Variants in GALNS observed in about 807,000 individuals in gnomAD.
GALNS encodes N-acetylgalactosamine-6-sulfatase.
Under a neutral mutation model 65.9 loss-of-function variants are expected in GALNS, and 65 were observed. That is an observed-to-expected ratio of 0.99 (90% CI 0.81 to 1.21). The LOEUF (loss-of-function observed/expected upper bound fraction) is 1.21, where lower values mean the gene tolerates loss of function less well. Among genes scored for constraint, GALNS ranks in the 50% most tolerant of loss-of-function variants. The probability of loss-of-function intolerance (pLI) is 0.00; values close to 1 mark genes in which losing one functional copy is unlikely to be tolerated. For missense variants in GALNS, 776 were observed against 700.7 expected, an observed-to-expected ratio of 1.11 and a Z score of -1.21; for synonymous variants, 346 against 288.9, an observed-to-expected ratio of 1.20 and a Z score of -2.00.
chr16:88,850,458 G>C (rs1241366277), intron 1 of GALNS, among the ~76,000 whole-genome samples: 1 of 152,218 alleles, frequency 6.6e-6, no homozygotes, highest in African/African-American at 2.4e-5. Flanking sequence ...ATGCTGTAAA[G>C]GGAGTGGGCT....
Position 88,854,050 on chromosome 16 carries a change from C to T in GALNS, c.120+2708G>A, listed in dbSNP as rs1371410386. On this transcript the variant is annotated intron_variant, in intron 1 of 13. Coordinates refer to ENST00000268695, the MANE Select transcript of GALNS (RefSeq NM_000512.5). ...TGCTTAGACGAAAGGGGGGCCCAGG[C>T]CCCCCACTGCCCAGCCACAGAGGAC... Among the ~76,000 whole-genome samples the T allele has an allele frequency of 2.6e-5, 4 of 152,312 alleles. No homozygotes were observed. In the East Asian group the frequency reaches 7.7e-4, roughly 29 times the overall value.
chr16:88,842,713 G>A lies in GALNS; in HGVS notation c.237C>T (p.Cys79=). ...AGGGCCCCGCTGACTTACATGGCGA[G>A]CACAGAGGGTTGGCAGAATAGAAGT... ...FPNFYSANPL[C]SPSRAALLTG... The change falls in exon 2 of 14, where the codon TGC becomes TGT. Residue 79 remains cysteine (C), a synonymous_variant. Coordinates refer to ENST00000268695, the MANE Select transcript of GALNS (RefSeq NM_000512.5). 6.2e-7 allele frequency: 1 copy of A among 1,612,774 alleles called. No homozygotes were observed. The highest frequency in any genetic ancestry group is 8.5e-7 in the Non-Finnish European group (1 of 1,179,724).
At chr16:88,841,204 C>T in intron 3 of GALNS, 110 bp from the exon 4 acceptor site, 1 of 840,798 alleles carries the variant, frequency 1.2e-6, no homozygotes, top group South Asian at 1.4e-5. Context: ...AGGACACTGG[C>T]CCCTCGGGGT....
At chr16:88,843,662 A>C in intron 1 of GALNS, 1 of 170,196 alleles carries the variant, frequency 5.9e-6, no homozygotes, top group East Asian at 1.6e-4. Context: ...GACAGCAAGG[A>C]CCTTCCTGGA....
intron 13 of GALNS, chr16:88,815,581 G>T: frequency 1.0e-6 from 1 of 985,498 alleles, no homozygotes; most frequent in African/African-American, 1.7e-5. Context: ...GAGCCTTCTT[G>T]GCTGAAATGA....
chr16:88,854,517 C>G (rs978186625), intron 1 of GALNS, among the ~76,000 whole-genome samples: 4 of 152,224 alleles, frequency 2.6e-5, no homozygotes, highest in Non-Finnish European at 5.9e-5. Context: ...GGGCAGTCTC[C>G]CTTCTGGGGT....
intron 8 of GALNS, among the ~76,000 whole-genome samples, chr16:88,833,372 G>C (rs201283528): frequency 2.0e-5 from 3 of 152,038 alleles, no homozygotes; most frequent in Non-Finnish European, 2.9e-5. Context: ...GCCACTTCTA[G>C]GGGACACTCA....
At chr16:88,831,949 G>T in intron 9 of GALNS, 49 bp downstream of exon 9, 1 of 1,527,726 alleles carries the variant, frequency 6.5e-7, no homozygotes, top group Non-Finnish European at 9.0e-7. Context: ...CCCTGGGATG[G>T]CTGCAGGCCT....
At chr16:88,855,942 C>G (rs546725119) in intron 1 of GALNS, 2 of 569,830 alleles carry the variant, frequency 3.5e-6, no homozygotes, top group East Asian at 5.8e-5. Context: ...CACGGCGGGA[C>G]AGGTGTAACC....
At chr16:88,834,764 G>C (rs1345556519) in intron 8 of GALNS, among the ~76,000 whole-genome samples, 1 of 152,178 alleles carries the variant, frequency 6.6e-6, no homozygotes, top group African/African-American at 2.4e-5. Flanking sequence ...CAGGGCTGTG[G>C]TGGGGGCAGG....
chr16:88,842,008 A>G (rs1156780635), intron 2 of GALNS, 37 bp from the exon 3 acceptor site: 2 of 1,584,228 alleles, frequency 1.3e-6, no homozygotes, highest in East Asian at 4.5e-5. Context: ...CTGGATAAGA[A>G]GGGTGTGGCT....
chr16:88,856,679 C>G (rs1967922438), intron 1 of GALNS, 79 bp downstream of exon 1: 6 of 524,424 alleles, frequency 1.1e-5, no homozygotes, highest in African/African-American at 2.1e-5. Context: ...CGCCCTTCCC[C>G]CACCTCGCTC....
chr16:88,838,034 G>C (rs1318332537), intron 4 of GALNS: 2 of 471,544 alleles, frequency 4.2e-6, no homozygotes, highest in East Asian at 3.7e-5. Context: ...ACGGTGAAGG[G>C]TGGTGCATCG....
rs560157536 is a variant in GALNS, at chr16:88,835,966, C to T, written c.634-117G>A. ...GGTTGGTGCGGTCCCCGTCCCCACG[C>T]GTCCCACGGGGCAAGGTTGGTGCGG... On this transcript the variant is annotated intron_variant, in intron 6 of 13. Coordinates refer to ENST00000268695, the MANE Select transcript of GALNS (RefSeq NM_000512.5). The T allele has an allele frequency of 6.5e-5, 98 of 1,497,846 alleles. No individual in the cohort carries two copies. In the African/African-American group the frequency reaches 1.1e-3, roughly 17 times the overall value. The allele number at this position is 1,497,846 out of a possible 1,614,324, so 92.8% of individuals were successfully genotyped here. A position where few individuals can be genotyped will look rare whatever the true frequency, so the allele number is the denominator to read the frequency against.
intron 1 of GALNS, among the ~76,000 whole-genome samples, chr16:88,849,245 G>C (rs1371496510): frequency 6.6e-6 from 1 of 152,182 alleles, no homozygotes; most frequent in African/African-American, 2.4e-5. Context: ...CTCCTGAGTA[G>C]CTGGGACTAC....
rs761068381 is a variant in GALNS, at chr16:88,822,593, G to T, written c.1360C>A (p.Leu454Ile). Residue 454 changes from leucine to isoleucine, a missense_variant, in exon 12 of 14, where the codon CTC becomes ATC. By Grantham distance (5) the Leu-to-Ile change is conservative. Coordinates refer to ENST00000268695, the MANE Select transcript of GALNS (RefSeq NM_000512.5). ...LGRDPGERFP[L>I]SFASAEYQEA... ...GGAGGCCCTGCACCGACTCACCTGA[G>T]GGGGAACCTCTCCCCTGGGTCCCGT... 1 of 1,612,724 alleles carries T rather than the reference G, an allele frequency of 6.2e-7. No individual in the cohort carries two copies. The highest frequency in any genetic ancestry group is 1.1e-5 in the South Asian group (1 of 91,068).
chr16:88,835,799 G>A lies in GALNS; in HGVS notation c.684C>T (p.Leu228=), dbSNP rs1398545595. ...KRQARHHPFF[L]YWAVDATHAP... The stretch of plus-strand genomic sequence containing the variant: ...CGTGCGTGGCGTCGACAGCCCAGTA[G>A]AGGAAAAAGGGGTGGTGCCGTGCCT... The change falls in exon 7 of 14, where the codon CTC becomes CTT. Residue 228 remains leucine (L), a synonymous_variant. Coordinates refer to ENST00000268695, the MANE Select transcript of GALNS (RefSeq NM_000512.5). 5 of 1,614,040 alleles carry A rather than the reference G, an allele frequency of 3.1e-6. No individual in the cohort carries two copies. The Admixed American group carries it at 5.0e-5, about 16-fold the overall frequency.
chr16:88,826,657 A>C (rs765000658), intron 10 of GALNS, 45 bp downstream of exon 10: 9 of 1,599,134 alleles, frequency 5.6e-6, no homozygotes, highest in Non-Finnish European at 6.8e-6. Flanking sequence ...TCTGGGCTTC[A>C]CTACTTGGAT....
At position 88,856,945 on chromosome 16, in the gene GALNS, G is replaced by A. The variant is rs144789309; in HGVS notation, c.-68C>T. 1.8e-3 allele frequency: 2,569 copies of A among 1,453,252 alleles called. 44 individuals are homozygous for A. The African/African-American group carries it at 0.033, about 19-fold the overall frequency. 90.0% of individuals were successfully genotyped at this position (1,453,252 alleles called of 1,614,324 possible). Reference sequence around the variant, plus strand: ...TAGCGAGCGTCCGCCGGCCCTTCCGGCTGGGCTGCGGGGCGGGGCCTGGAC... The same window carrying A: ...TAGCGAGCGTCCGCCGGCCCTTCCGACTGGGCTGCGGGGCGGGGCCTGGAC... On this transcript the variant is annotated 5_prime_UTR_variant, in exon 1 of 14. Transcript: ENST00000268695.
Sources: allele counts gnomAD v4.1 joint callset (sites outside exome capture counted in the v4.1 genomes callset), GRCh38; gene constraint gnomAD v4.1.1; transcripts MANE v1.5; gene names NCBI Gene and HGNC (gene_info 2026-07-23, HGNC 2026-07-21).